The following NF1 variants were observed in gnomAD, a reference collection of about 807,000 sequenced individuals.
NF1 encodes the protein neurofibromin.
A neutral mutation model predicts 325.7 loss-of-function variants in NF1; 122 were observed. The observed-to-expected ratio is 0.37, with a 90% CI of 0.32 to 0.44. The LOEUF (loss-of-function observed/expected upper bound fraction) is 0.44. NF1 is among the 20% of genes least tolerant of loss of function. NF1 has a pLI of 1.00. For missense variants in NF1, 2,140 were observed against 3,415.4 expected, an observed-to-expected ratio of 0.63 and a Z score of 9.31; for synonymous variants, 1,091 against 1,186.0, an observed-to-expected ratio of 0.92 and a Z score of 1.65.
At chr17:31,127,541 A>G (rs1416376727) in intron 1 of NF1, among the ~76,000 whole-genome samples, 4 of 150,964 alleles carry the variant, frequency 2.6e-5, no homozygotes, top group Non-Finnish European at 5.9e-5. Context: ...TTAAAAAGTT[A>G]TATTTTCTGA....
At chr17:31,310,934 CAT>C (rs2068856346) in intron 36 of NF1, among the ~76,000 whole-genome samples, 1 of 149,702 alleles carries the variant, frequency 6.7e-6, no homozygotes, top group Admixed American at 6.7e-5. Context: ...GTGTATAAGA[CAT>C]GTTCTTTTTT....
chr17:31,113,442 CT>C (rs1278158554), intron 1 of NF1, among the ~76,000 whole-genome samples: 2 of 152,046 alleles, frequency 1.3e-5, no homozygotes, highest in Non-Finnish European at 2.9e-5. Flanking sequence ...CAGGATCTTG[CT>C]GTGTTTCCCA....
intron 16 of NF1, 49 bp downstream of exon 16, chr17:31,223,616 A>G (rs1383929321): frequency 1.3e-6 from 2 of 1,568,742 alleles, no homozygotes; most frequent in Non-Finnish European, 1.8e-6. Flanking sequence ...TGGAATGGTA[A>G]TGGTGAGAGA....
intron 1 of NF1, chr17:31,133,679 CAG>C (rs1915560258): frequency 6.6e-6 from 1 of 151,872 alleles, no homozygotes; most frequent in African/African-American, 2.4e-5. Context: ...TTTTTTGAGA[CAG>C]AGTCTCACTC....
chr17:31,137,921 A>G (rs949221513), intron 1 of NF1: 9 of 152,054 alleles, frequency 5.9e-5, no homozygotes, highest in African/African-American at 2.2e-4. Flanking sequence ...CCCCAATGCC[A>G]TTCTGGTTTC....
At chr17:31,298,021 G>T (rs2151501892) in intron 36 of NF1, among the ~76,000 whole-genome samples, 1 of 152,114 alleles carries the variant, frequency 6.6e-6, no homozygotes, top group South Asian at 2.1e-4. Flanking sequence ...GCAACCTTGG[G>T]TGGTAAGTGG....
chr17:31,128,961 C>T (rs1266613692), intron 1 of NF1, among the ~76,000 whole-genome samples: 1 of 151,986 alleles, frequency 6.6e-6, no homozygotes, highest in African/African-American at 2.4e-5. Flanking sequence ...TATAGACCTC[C>T]AATCTCTTCT....
intron 29 of NF1, 29 bp downstream of exon 29, chr17:31,236,050 GTTTTTTGTTTTTTT>G (rs1567852876): frequency 7.2e-7 from 1 of 1,397,766 alleles, no homozygotes; most frequent in Non-Finnish European, 9.8e-7. Context: ...TAGAACCGCT[GTTTTTTGTTTTTTT>G]TTTTTTGTTT....
At chr17:31,114,662 T>C (rs1469983463) in intron 1 of NF1, among the ~76,000 whole-genome samples, 7 of 151,770 alleles carry the variant, frequency 4.6e-5, no homozygotes, top group Non-Finnish European at 8.8e-5. Flanking sequence ...GAGACCAGCC[T>C]GGCCAACATA....
intron 8 of NF1, among the ~76,000 whole-genome samples, chr17:31,187,866 G>A (rs2066271424): frequency 6.6e-6 from 1 of 152,116 alleles, no homozygotes; most frequent in South Asian, 2.1e-4. Flanking sequence ...ATTGCCACCT[G>A]GACACACTTT....
intron 1 of NF1, among the ~76,000 whole-genome samples, chr17:31,102,318 A>G (rs2143219744): frequency 6.6e-6 from 1 of 151,040 alleles, no homozygotes; most frequent in Admixed American, 6.7e-5. Flanking sequence ...AAATTTTTCT[A>G]ATATAAGATT....
chr17:31,129,635 T>C (rs965837255), intron 1 of NF1, among the ~76,000 whole-genome samples: 2 of 152,126 alleles, frequency 1.3e-5, no homozygotes, highest in African/African-American at 4.8e-5. Flanking sequence ...TTCACCATGT[T>C]GACCAGGCTG....
chr17:31,342,637 G>A (rs17879621), intron 47 of NF1, among the ~76,000 whole-genome samples: 195 of 152,228 alleles, frequency 1.3e-3, no homozygotes, highest in Non-Finnish European at 2.6e-3. Context: ...CATCTGCCTC[G>A]GTATTTTCAT....
At chr17:31,169,790 C>G (rs2065901499) in intron 4 of NF1, 101 bp from the exon 5 acceptor site, 1 of 790,142 alleles carries the variant, frequency 1.3e-6, no homozygotes, top group African/African-American at 1.7e-5. Context: ...AAGTGGTCCT[C>G]CTGCCTTGGC....
chr17:31,231,646 G>A (rs2067114385), intron 24 of NF1, among the ~76,000 whole-genome samples: 1 of 152,006 alleles, frequency 6.6e-6, no homozygotes, highest in Admixed American at 6.6e-5. Context: ...TATAAATGTT[G>A]TATAAATATT....
intron 1 of NF1, among the ~76,000 whole-genome samples, chr17:31,096,312 G>C (rs1911717546): frequency 7.3e-6 from 1 of 137,086 alleles, no homozygotes; most frequent in Non-Finnish European, 1.5e-5. Flanking sequence ...AGTGTTTGTG[G>C]TTGTTTTTGA....
At chr17:31,342,931 T>C (rs1018871909) in intron 47 of NF1, 78 bp from the exon 48 acceptor site, 3 of 1,551,656 alleles carry the variant, frequency 1.9e-6, no homozygotes, top group Non-Finnish European at 2.7e-6. Context: ...GTCATACTAT[T>C]GAACACAAAA....
chr17:31,200,507 T>C lies in NF1; in HGVS notation c.974T>C (p.Val325Ala), dbSNP rs1422095982. ...ACAGAAAGTGCTGCAATTGCCTGTG[T>C]CAAACTGTGTAAAGCAAGTACTTAC... is the stretch of plus-strand genomic sequence containing the variant. The part of the protein sequence containing the change: ...QLTESAAIAC[V>A]KLCKASTYIN... Residue 325 changes from valine to alanine, a missense_variant, in exon 9 of 58, where the codon GTC becomes GCC. Val to Ala is a moderately conservative substitution (Grantham distance 64). Transcript: ENST00000358273. The C allele has an allele frequency of 6.2e-7, 1 of 1,614,190 alleles. No homozygotes were observed. Among genetic ancestry groups the C allele is most frequent in the Admixed American group, 1.7e-5 (1 of 60,032 alleles).
chr17:31,291,349 C>G (rs1313811870), intron 36 of NF1, among the ~76,000 whole-genome samples: 1 of 152,096 alleles, frequency 6.6e-6, no homozygotes, highest in African/African-American at 2.4e-5. Flanking sequence ...AGATTTTCCC[C>G]ATTTGATGCT....
Sources: gnomAD v4.1 joint callset for allele counts (sites outside exome capture counted in the v4.1 genomes callset) on GRCh38, gnomAD v4.1.1 for gene constraint, MANE v1.5 for transcripts, NCBI Gene and HGNC (gene_info 2026-07-23, HGNC 2026-07-21) for gene names.